The following ZWILCH variants were observed in gnomAD, a reference collection of about 807,000 sequenced individuals.
ZWILCH encodes zwilch kinetochore protein.
In ZWILCH, 74 loss-of-function variants were observed where a neutral mutation model predicts 79.9. The observed-to-expected ratio is 0.93, with a 90% CI of 0.77 to 1.12. The LOEUF is 1.12. ZWILCH is among the 50% of genes most tolerant of loss of function. ZWILCH has a pLI of 0.00. For missense variants in ZWILCH, 694 were observed against 687.5 expected, an observed-to-expected ratio of 1.01 and a Z score of -0.11; for synonymous variants, 241 against 228.2, an observed-to-expected ratio of 1.06 and a Z score of -0.51.
intron 4 of ZWILCH, among the ~76,000 whole-genome samples, chr15:66,518,021 G>A (rs551006348): frequency 2.0e-5 from 3 of 151,760 alleles, no homozygotes; most frequent in African/African-American, 4.8e-5. Context: ...TTGAGCCACC[G>A]CGCCCGGCCT....
chr15:66,541,416 G>A (rs1292388029), intron 17 of ZWILCH, among the ~76,000 whole-genome samples: 1 of 152,060 alleles, frequency 6.6e-6, no homozygotes. Flanking sequence ...CTTGTATAGA[G>A]GAACTTTTAC....
At chr15:66,505,954 A>G (rs1312130963) in intron 1 of ZWILCH, among the ~76,000 whole-genome samples, 1 of 152,188 alleles carries the variant, frequency 6.6e-6, no homozygotes, top group African/African-American at 2.4e-5. Flanking sequence ...CTATGTAAAA[A>G]TCTAATCCAT....
Position 66,523,689 on chromosome 15 carries a change from G to A in ZWILCH, c.760G>A (p.Glu254Lys), listed in dbSNP as rs776800933. The change falls in exon 8 of 19, where the codon GAA (glutamate) becomes AAA (lysine). Residue 254 changes from glutamate to lysine, a missense_variant. By Grantham distance (56) the Glu-to-Lys change is moderately conservative. Coordinates refer to ENST00000307897, the MANE Select transcript of ZWILCH (RefSeq NM_017975.5). The stretch of plus-strand genomic sequence containing the variant: ...GGAAACTTTTTAGAATATTAAAGTG[G>A]AATCAGGAGAGCCCAGAGGTCCTTT... ...SSTATLNIKV[E>K]SGEPRGPLNH... is the part of the protein sequence containing the mutation. 1.2e-6 allele frequency: 2 copies of A among 1,611,172 alleles called. No homozygotes were observed. The highest frequency in any genetic ancestry group is 1.1e-5 in the South Asian group (1 of 90,730).
intron 1 of ZWILCH, chr15:66,505,652 T>C: frequency 2.0e-6 from 1 of 511,592 alleles, no homozygotes; most frequent in South Asian, 2.6e-5. Flanking sequence ...ATTTATTCTT[T>C]CTGCTGATGG....
chr15:66,548,530 G>A lies in ZWILCH; in HGVS notation c.*206G>A, dbSNP rs1316407806. 6.2e-7 allele frequency: 1 copy of A among 1,613,150 alleles called. No homozygotes were observed. The highest frequency in any genetic ancestry group is 8.5e-7 in the Non-Finnish European group (1 of 1,179,136). On this transcript the variant is annotated 3_prime_UTR_variant, in exon 19 of 19. Coordinates refer to ENST00000307897, the MANE Select transcript of ZWILCH (RefSeq NM_017975.5). ...CAGGAGGAGCATTAGTAGAACAGCA[G>A]TGATGAGGACACAGAGGGAGCAGAC...
intron 8 of ZWILCH, among the ~76,000 whole-genome samples, chr15:66,524,936 A>T (rs978579767): frequency 6.6e-6 from 1 of 152,076 alleles, no homozygotes; most frequent in Non-Finnish European, 1.5e-5. Context: ...CTATTCAGTG[A>T]TTTGACTGAC....
chr15:66,517,430 G>GTGTGTATATATATATA lies in ZWILCH; in HGVS notation c.321-1448_321-1447insGTGTATATATATATAT. On this transcript the variant is annotated intron_variant, in intron 4 of 18. Transcript: ENST00000307897. ...TGTTTGTGTGTGCGTGTGTGTGTGT[G>GTGTGTATATATATATA]TATATATATATATATATATATATAT... is the stretch of plus-strand genomic sequence containing the variant. Among the ~76,000 whole-genome samples, 195 of 66,484 alleles carry GTGTGTATATATATATA rather than the reference G, an allele frequency of 2.9e-3. 2 individuals carry two copies. The highest frequency in any genetic ancestry group is 5.5e-3 in the African/African-American group (89 of 16,320). 43.6% of individuals were successfully genotyped at this position (66,484 alleles called of 152,430 possible).
intron 12 of ZWILCH, among the ~76,000 whole-genome samples, chr15:66,529,897 T>A (rs1459677395): frequency 6.6e-6 from 1 of 152,232 alleles, no homozygotes; most frequent in African/African-American, 2.4e-5. Context: ...ATGAGTATTC[T>A]CATATACTAC....
rs1010501733 is a variant in ZWILCH, at chr15:66,544,711, G to GT, written c.1688-1873dup. ...GAAAAAAATGCCTTGTTTTTTTGTT[G>GT]TTTTTTTGGTTTTTGTGTGTGTGTG... On this transcript the variant is annotated intron_variant, in intron 17 of 18. Coordinates refer to ENST00000307897, the MANE Select transcript of ZWILCH (RefSeq NM_017975.5). Among the ~76,000 whole-genome samples the GT allele has an allele frequency of 1.2e-4, 7 of 59,802 alleles. No individual in the cohort carries two copies. The East Asian group carries it at 1.8e-3, about 15-fold the overall frequency. The allele number at this position is 59,802 out of a possible 152,430, so 39.2% of individuals were successfully genotyped here.
Position 66,527,352 on chromosome 15 carries a change from T to A in ZWILCH, c.882T>A (p.Ser294=), listed in dbSNP as rs560000384. Residue 294 remains serine (S), a synonymous_variant, in exon 9 of 19, where the codon TCT becomes TCA. Coordinates refer to ENST00000307897, the MANE Select transcript of ZWILCH (RefSeq NM_017975.5). The part of the protein sequence containing the change: ...TEWLEPLEAK[S]AVELVQEFLN... ...GGCTCGAGCCCCTGGAAGCAAAATC[T>A]GCTGTTGAACTTGTTCAGGAATTTC... 6.2e-7 allele frequency: 1 copy of A among 1,614,128 alleles called. No homozygotes were observed.
At chr15:66,534,562 C>G (rs147619615) in intron 14 of ZWILCH, among the ~76,000 whole-genome samples, 13 of 152,270 alleles carry the variant, frequency 8.5e-5, no homozygotes, top group South Asian at 6.2e-4. Context: ...TAACCTACTG[C>G]ACACCTAGGC....
intron 8 of ZWILCH, among the ~76,000 whole-genome samples, chr15:66,525,530 A>G (rs1894640568): frequency 6.6e-6 from 1 of 151,852 alleles, no homozygotes. Flanking sequence ...CACTGTGCTC[A>G]TCTTAGTTAA....
At chr15:66,537,546 C>T (rs1567051391) in intron 16 of ZWILCH, among the ~76,000 whole-genome samples, 1 of 152,016 alleles carries the variant, frequency 6.6e-6, no homozygotes, top group Non-Finnish European at 1.5e-5. Context: ...CAAAAATTAG[C>T]TGGGCATGGT....
At chr15:66,542,485 G>A (rs975022573) in intron 17 of ZWILCH, among the ~76,000 whole-genome samples, 11 of 151,994 alleles carry the variant, frequency 7.2e-5, no homozygotes, top group African/African-American at 1.2e-4. Flanking sequence ...TTCGGGAGGC[G>A]GAGGCAGGAG....
intron 17 of ZWILCH, among the ~76,000 whole-genome samples, chr15:66,542,179 G>A (rs146658949): frequency 5.4e-4 from 82 of 152,302 alleles, no homozygotes; most frequent in African/African-American, 1.9e-3. Context: ...GGCCGGGCAC[G>A]GTGGCTCACA....
chr15:66,538,774 A>C (rs1173964917), intron 16 of ZWILCH, among the ~76,000 whole-genome samples: 2 of 152,198 alleles, frequency 1.3e-5, no homozygotes, highest in African/African-American at 4.8e-5. Context: ...CATCTGTCTT[A>C]ATTTGAATTC....
intron 9 of ZWILCH, 68 bp from the exon 10 acceptor site, chr15:66,527,789 A>G: frequency 7.3e-7 from 1 of 1,364,744 alleles, no homozygotes; most frequent in Non-Finnish European, 1.0e-6. Flanking sequence ...ATTTGAAAAT[A>G]GGATTAGGAT....
rs903767786 is a variant in ZWILCH at position 66,549,593 on chromosome 15, G to A, written c.*1269G>A. On this transcript the variant is annotated 3_prime_UTR_variant, in exon 19 of 19. Transcript: ENST00000307897. Reference sequence around the variant, plus strand: ...AAATGATGTCTTCTATGAAGACAGGGACCTTGTTTTGTTCCTGGCTATATC... The same window carrying A: ...AAATGATGTCTTCTATGAAGACAGGAACCTTGTTTTGTTCCTGGCTATATC... 1 of 152,864 alleles carries A rather than the reference G, an allele frequency of 6.5e-6. No individual in the cohort carries two copies. The highest frequency in any genetic ancestry group is 2.4e-5 in the African/African-American group (1 of 41,456). The allele number at this position is 152,864 out of a possible 1,614,324, so 9.5% of individuals were successfully genotyped here.
intron 5 of ZWILCH, among the ~76,000 whole-genome samples, chr15:66,519,916 AC>A (rs1894434480): frequency 6.6e-6 from 1 of 151,436 alleles, no homozygotes; most frequent in African/African-American, 2.4e-5. Flanking sequence ...TCCCACCATA[AC>A]CTCCTGAATA....
Sources: gnomAD v4.1 joint callset for allele counts (sites outside exome capture counted in the v4.1 genomes callset) on GRCh38, gnomAD v4.1.1 for gene constraint, MANE v1.5 for transcripts, NCBI Gene and HGNC (gene_info 2026-07-23, HGNC 2026-07-21) for gene names.